Variants in CBARP observed in about 807,000 individuals in gnomAD.
CBARP encodes voltage-dependent calcium channel beta subunit-associated regulatory protein.
In CBARP, 24 loss-of-function variants were observed where a neutral mutation model predicts 36.3. The ratio of observed to expected loss-of-function variants is 0.66; its 90% CI spans 0.48 to 0.93. The LOEUF (loss-of-function observed/expected upper bound fraction) is 0.93. CBARP is among the 40% of genes least tolerant of loss of function. CBARP has a pLI of 0.00. For missense variants in CBARP, 1,146 were observed against 980.4 expected (o/e 1.17, Z -2.26); for synonymous variants, 586 against 453.2 (o/e 1.29, Z -3.72).
At chr19:1,233,204 G>A (rs1006548640) in intron 8 of CBARP, among the ~76,000 whole-genome samples, 5 of 152,204 alleles carry the variant, frequency 3.3e-5, no homozygotes, top group African/African-American at 9.7e-5. Context: ...ACAGGTTCCC[G>A]GAGCTGGGTG....
In CBARP at chr19:1,234,700, G is replaced by A. The variant is rs368720347; in HGVS notation, c.498C>T (p.Ala166=). The A allele has an allele frequency of 6.2e-7, 1 of 1,613,188 alleles. No individual in the cohort carries two copies. The highest frequency in any genetic ancestry group is 1.1e-5 in the South Asian group (1 of 90,916). The change falls in exon 6 of 10, where the codon GCC becomes GCT. Residue 166 remains alanine (A), a synonymous_variant. Transcript: ENST00000650044. Reference sequence around the variant, plus strand: ...GCGGCAGGTGCAGGTGCGTGAGCCGGGCATTCTTCAGGTGGTGGAAGTCCC... The same window carrying A: ...GCGGCAGGTGCAGGTGCGTGAGCCGAGCATTCTTCAGGTGGTGGAAGTCCC... The part of the protein sequence containing the change: ...TEGDFHHLKN[A]RLTHLHLPPL...
At chr19:1,230,578 G>A (rs2080876844) in intron 9 of CBARP, 7 of 1,150,898 alleles carry the variant, frequency 6.1e-6, no homozygotes, top group Admixed American at 4.4e-5. Context: ...GTGCACAGAC[G>A]TGAGGGTCAC....
At chr19:1,235,645 A>G (rs2080958884) in intron 3 of CBARP, 80 bp from the exon 4 acceptor site, 1 of 1,584,390 alleles carries the variant, frequency 6.3e-7, no homozygotes, top group South Asian at 1.1e-5. Flanking sequence ...GCCCCAAGCC[A>G]AGCCCTGCGC....
intron 8 of CBARP, among the ~76,000 whole-genome samples, chr19:1,232,868 G>A (rs2080912215): frequency 6.6e-6 from 1 of 152,234 alleles, no homozygotes; most frequent in Non-Finnish European, 1.5e-5. Flanking sequence ...TCCGGGGCCT[G>A]ATGGGAAAAG....
intron 5 of CBARP, 58 bp downstream of exon 5, chr19:1,234,943 C>A: frequency 1.9e-6 from 3 of 1,558,796 alleles, no homozygotes; most frequent in Non-Finnish European, 2.6e-6. Context: ...CCTCCCCCGT[C>A]CCGGCGGCCA....
intron 8 of CBARP, among the ~76,000 whole-genome samples, chr19:1,232,819 G>A (rs2080911527): frequency 6.6e-6 from 1 of 151,870 alleles, no homozygotes; most frequent in Non-Finnish European, 1.5e-5. Context: ...GAGTTGTGGA[G>A]ACACAGCCTC....
intron 9 of CBARP, 183 bp downstream of exon 9, chr19:1,230,918 C>T (rs777517023): frequency 6.3e-6 from 10 of 1,578,504 alleles, no homozygotes; most frequent in Admixed American, 5.4e-5. Flanking sequence ...CTGCTTCCCT[C>T]CTCTGGTCCA....
intron 1 of CBARP, among the ~76,000 whole-genome samples, chr19:1,237,465 G>A (rs1441101194): frequency 1.3e-5 from 2 of 152,100 alleles, no homozygotes; most frequent in East Asian, 3.9e-4. Context: ...GCGCCCCCGA[G>A]CCGGCCAAGG....
At chr19:1,234,473 C>T in intron 6 of CBARP, 98 bp downstream of exon 6, 2 of 1,425,672 alleles carry the variant, frequency 1.4e-6, no homozygotes, top group South Asian at 1.5e-5. Context: ...GAGATGAGGG[C>T]CACCCAGAAA....
At chr19:1,236,851 T>TGG (rs1293004417) in intron 1 of CBARP, among the ~76,000 whole-genome samples, 18 of 16,920 alleles carry the variant, frequency 1.1e-3, no homozygotes, top group South Asian at 7.5e-3. Flanking sequence ...GGCGGCGGCC[T>TGG]GGGGGGGGGC....
chr19:1,237,039 G>A (rs1308223518), intron 1 of CBARP, among the ~76,000 whole-genome samples: 1 of 152,132 alleles, frequency 6.6e-6, no homozygotes, highest in Non-Finnish European at 1.5e-5. Flanking sequence ...GGGTGGGGAG[G>A]CCCGGGAATC....
At chr19:1,234,463 G>A (rs1039262274) in intron 6 of CBARP, 108 bp downstream of exon 6, 6 of 1,377,820 alleles carry the variant, frequency 4.4e-6, no homozygotes, top group African/African-American at 2.9e-5. Flanking sequence ...CGCCCATCCC[G>A]AGATGAGGGC....
chr19:1,234,084 G>T, intron 7 of CBARP, 107 bp downstream of exon 7: 1 of 1,305,766 alleles, frequency 7.7e-7, no homozygotes, highest in African/African-American at 1.5e-5. Flanking sequence ...AAGGAGGGCT[G>T]CGGTGGCTGG....
At chr19:1,234,123 C>T (rs2080929666) in intron 7 of CBARP, 68 bp downstream of exon 7, 2 of 1,421,310 alleles carry the variant, frequency 1.4e-6, no homozygotes, top group Non-Finnish European at 1.8e-6. Flanking sequence ...TGGTCCTGGA[C>T]TGGGGACAGG....
At chr19:1,233,332 C>G in intron 8 of CBARP, 94 bp downstream of exon 8, 3 of 1,292,176 alleles carry the variant, frequency 2.3e-6, no homozygotes, top group Non-Finnish European at 3.2e-6. Flanking sequence ...CCCCACCCAG[C>G]CCACAACCTC....
At chr19:1,230,771 G>A in intron 9 of CBARP, 2 of 1,371,104 alleles carry the variant, frequency 1.5e-6, no homozygotes, top group Non-Finnish European at 1.9e-6. Context: ...AGCATGGGCG[G>A]GGCGGGGGTG....
In CBARP at chr19:1,237,813, C is replaced by A. The variant is rs576370482; in HGVS notation, c.-79G>T. The A allele has an allele frequency of 1.9e-4, 29 of 148,876 alleles. No homozygotes were observed. Among genetic ancestry groups the A allele is most frequent in the African/African-American group, 6.6e-4 (27 of 41,200 alleles). The allele number at this position is 148,876 out of a possible 1,614,324, so 9.2% of individuals were successfully genotyped here. ...GGGCTGGCGGCGGGCGGCTGCGTGG[C>A]GCTCGCGGCTGGCTCCGGCGCCCGG... is the stretch of plus-strand genomic sequence containing the variant. On this transcript the variant is annotated 5_prime_UTR_variant, in exon 1 of 10. Transcript: ENST00000650044.
chr19:1,234,225 G>A lies in CBARP; in HGVS notation c.734C>T (p.Pro245Leu), dbSNP rs1599947652. 5.3e-6 allele frequency: 8 copies of A among 1,517,978 alleles called. No homozygotes were observed. In the East Asian group the frequency reaches 1.4e-4, roughly 27 times the overall value. The allele number at this position is 1,517,978 out of a possible 1,614,324, so 94.0% of individuals were successfully genotyped here. ...TTCCCCAGAGTCGCTAGATGCCGAG[G>A]GGCTGATCTCTGCGAAGTCAGTGGC... Reference protein sequence around the residue: ...AGATDFAEISPSASSDSGEGT... With the variant: ...AGATDFAEISLSASSDSGEGT... Residue 245 changes from proline to leucine, a missense_variant, in exon 7 of 10, where the codon CCC becomes CTC. By Grantham distance (98) the Pro-to-Leu change is moderately conservative. Transcript: ENST00000650044.
chr19:1,236,066 G>C lies in CBARP; in HGVS notation c.35C>G (p.Thr12Ser). Residue 12 changes from threonine to serine, a missense_variant, in exon 2 of 10, where the codon ACC becomes AGC. By Grantham distance (58) the Thr-to-Ser change is moderately conservative. Transcript: ENST00000650044. ...QPTATMATAA[T>S]TTTTTTATVA... ...TGTGGCAGTGGTGGTGGTGGTGGTG[G>C]TGGCGGCTGTGGCCATGGTGGCTGT... The C allele has an allele frequency of 6.6e-7, 1 of 1,509,360 alleles. No individual in the cohort carries two copies. The highest frequency in any genetic ancestry group is 1.4e-5 in the African/African-American group (1 of 71,764). The allele number at this position is 1,509,360 out of a possible 1,614,324, so 93.5% of individuals were successfully genotyped here.
Sources: allele counts gnomAD v4.1 joint callset (sites outside exome capture counted in the v4.1 genomes callset), GRCh38; gene constraint gnomAD v4.1.1; transcripts MANE v1.5; gene names NCBI Gene and HGNC (gene_info 2026-07-23, HGNC 2026-07-21).